COL22A1: variants seen among roughly 807,000 people sequenced by gnomAD.
The protein encoded by COL22A1 is collagen alpha-1(XXII) chain.
A neutral mutation model predicts 248.9 loss-of-function variants in COL22A1; 221 were observed. The observed-to-expected ratio is 0.89, with a 90% CI of 0.80 to 0.99. The LOEUF (loss-of-function observed/expected upper bound fraction) is 0.99. COL22A1 is among the 50% of genes least tolerant of loss of function. The pLI is 0.00. For synonymous variants in COL22A1, 891 were observed against 793.4 expected, an observed-to-expected ratio of 1.12 and a Z score of -2.07; for missense variants, 2,240 against 2,179.0, an observed-to-expected ratio of 1.03 and a Z score of -0.56.
chr8:138,712,648 T>G (rs1335482983), intron 30 of COL22A1, among the ~76,000 whole-genome samples: 2 of 152,192 alleles, frequency 1.3e-5, no homozygotes, highest in East Asian at 3.9e-4. Flanking sequence ...AGGGTATGTG[T>G]TCTATCAGCA....
chr8:138,913,135 C>T (rs12545692), intron 1 of COL22A1, among the ~76,000 whole-genome samples: 44,800 of 151,914 alleles, frequency 0.29, 6,996 homozygotes, highest in African/African-American at 0.41. Flanking sequence ...GCTAAGTTCC[C>T]TGACAGTAAA....
In COL22A1 at chr8:138,780,923, T is replaced by G; in HGVS notation, c.1650+4A>C. On this transcript the variant is annotated splice_donor_region_variant and intron_variant, in intron 13 of 64. Transcript: ENST00000303045. ...TGAGCCAGGGCAGACGGAACAGAACTTACTCTCATGCCTTTGCTGCCGTCT... is the reference window on the plus strand; with the variant it reads ...TGAGCCAGGGCAGACGGAACAGAACGTACTCTCATGCCTTTGCTGCCGTCT... 6.2e-7 allele frequency: 1 copy of G among 1,613,094 alleles called. No individual in the cohort carries two copies. Among genetic ancestry groups the G allele is most frequent in the Non-Finnish European group, 8.5e-7 (1 of 1,179,198 alleles).
intron 27 of COL22A1, among the ~76,000 whole-genome samples, chr8:138,717,698 C>T (rs73443070): frequency 3.4e-4 from 52 of 152,268 alleles, no homozygotes; most frequent in African/African-American, 1.2e-3. Context: ...TGGAGGAATA[C>T]AACAGTTCCT....
At chr8:138,667,230 T>A (rs1824584858) in intron 41 of COL22A1, among the ~76,000 whole-genome samples, 1 of 152,232 alleles carries the variant, frequency 6.6e-6, no homozygotes, top group African/African-American at 2.4e-5. Context: ...AGAGTCATTT[T>A]ACCCTAATAC....
chr8:138,604,879 A>T (rs899219344), intron 58 of COL22A1, 110 bp from the exon 59 acceptor site: 66 of 981,542 alleles, frequency 6.7e-5, no homozygotes, highest in Admixed American at 1.2e-4. Context: ...AGCAAAGACA[A>T]CAATCGATGG....
rs543277112 is a variant in COL22A1, at chr8:138,742,091, A to C, written c.2086-4514T>G. 2.7e-5 allele frequency among the ~76,000 whole-genome samples: 4 copies of C among 148,646 alleles called. No homozygotes were observed. In the South Asian group the frequency reaches 8.7e-4, roughly 32 times the overall value. On this transcript the variant is annotated intron_variant, in intron 22 of 64. Coordinates refer to ENST00000303045, the MANE Select transcript of COL22A1 (RefSeq NM_152888.3). The stretch of plus-strand genomic sequence containing the variant: ...GATGGTGATGGTGATGATGGTGATG[A>C]TAGTAGCCATGGTGATGGTGATGGT...
intron 62 of COL22A1, among the ~76,000 whole-genome samples, chr8:138,595,757 GC>G (rs2131800074): frequency 6.6e-6 from 1 of 152,106 alleles, no homozygotes; most frequent in African/African-American, 2.4e-5. Context: ...ACAGACTCTC[GC>G]AATGGGAGGT....
At chr8:138,623,679 T>G in intron 52 of COL22A1, 53 bp downstream of exon 52, 1 of 1,474,182 alleles carries the variant, frequency 6.8e-7, no homozygotes, top group Non-Finnish European at 9.3e-7. Context: ...TAGTTGTTTT[T>G]GACATGTAAT....
At position 138,804,846 on chromosome 8, in the gene COL22A1, G is replaced by A. The variant is rs191669549; in HGVS notation, c.1495-1912C>T. Among the ~76,000 whole-genome samples, 290 of 150,172 alleles carry A rather than the reference G, an allele frequency of 1.9e-3. 1 individual carries two copies. Among genetic ancestry groups the A allele is most frequent in the African/African-American group, 6.8e-3 (276 of 40,864 alleles). On this transcript the variant is annotated intron_variant, in intron 10 of 64. Coordinates refer to ENST00000303045, the MANE Select transcript of COL22A1 (RefSeq NM_152888.3). ...TGATATGGGGTGTGTGTGTGCATAC[G>A]TATGTATATGTGATGGTGTGTGTGT...
At chr8:138,857,140 C>T (rs896452924) in intron 3 of COL22A1, among the ~76,000 whole-genome samples, 1 of 152,050 alleles carries the variant, frequency 6.6e-6, no homozygotes, top group Admixed American at 6.5e-5. Context: ...CCCACGCCTG[C>T]CCCTACCTCT....
intron 51 of COL22A1, 140 bp downstream of exon 51, chr8:138,626,050 T>C: frequency 1.6e-6 from 1 of 642,284 alleles, no homozygotes; most frequent in South Asian, 2.1e-5. Context: ...TTAGTGATTA[T>C]TTTGTTTCTA....
At chr8:138,896,146 G>C (rs1176437577) in intron 1 of COL22A1, among the ~76,000 whole-genome samples, 4 of 152,148 alleles carry the variant, frequency 2.6e-5, no homozygotes, top group Non-Finnish European at 5.9e-5. Flanking sequence ...ATTGCTAAAG[G>C]AAGCTTCCTA....
At chr8:138,809,528 C>CTGTTTTTTTTTTTTTTTTTTT (rs1818013532) in intron 9 of COL22A1, among the ~76,000 whole-genome samples, 1 of 117,670 alleles carries the variant, frequency 8.5e-6, no homozygotes, top group African/African-American at 3.3e-5. Flanking sequence ...TTTTCTTTTT[C>CTGTTTTTTTTTTTTTTTTTTT]TTTTTTTTTT....
intron 4 of COL22A1, among the ~76,000 whole-genome samples, chr8:138,834,712 G>T (rs1460229993): frequency 6.6e-6 from 1 of 152,192 alleles, no homozygotes; most frequent in African/African-American, 2.4e-5. Flanking sequence ...TCTTCATACA[G>T]TACCTGACAT....
At chr8:138,885,743 AAT>A (rs1369874961) in intron 1 of COL22A1, among the ~76,000 whole-genome samples, 1 of 151,830 alleles carries the variant, frequency 6.6e-6, no homozygotes, top group African/African-American at 2.4e-5. Flanking sequence ...TTGGTTTTTT[AAT>A]AGAGATGAGG....
chr8:138,700,234 G>C, intron 31 of COL22A1, 90 bp from the exon 32 acceptor site: 3 of 1,222,646 alleles, frequency 2.5e-6, no homozygotes, highest in Non-Finnish European at 3.6e-6. Context: ...ATTTACAAGT[G>C]AAAGAATACA....
intron 45 of COL22A1, among the ~76,000 whole-genome samples, chr8:138,650,218 A>G (rs1028895384): frequency 6.6e-6 from 1 of 152,182 alleles, no homozygotes; most frequent in African/African-American, 2.4e-5. Context: ...TCTGTTCTGC[A>G]TTTGCCCGTC....
chr8:138,734,588 T>G (rs1296717432), intron 23 of COL22A1, among the ~76,000 whole-genome samples: 2 of 152,150 alleles, frequency 1.3e-5, no homozygotes, highest in Non-Finnish European at 2.9e-5. Flanking sequence ...GAGTGTAAAT[T>G]AGTTCAACCA....
intron 43 of COL22A1, among the ~76,000 whole-genome samples, chr8:138,660,979 C>CACACACAG (rs1823872257): frequency 2.3e-4 from 32 of 137,792 alleles, no homozygotes; most frequent in East Asian, 4.2e-4. Flanking sequence ...CACACATACA[C>CACACACAG]ACACACATAC....
Sources: allele counts gnomAD v4.1 joint callset (sites outside exome capture counted in the v4.1 genomes callset), GRCh38; gene constraint gnomAD v4.1.1; transcripts MANE v1.5; gene names NCBI Gene and HGNC (gene_info 2026-07-23, HGNC 2026-07-21).